MCUB: variants seen among roughly 807,000 people sequenced by gnomAD.
The protein encoded by MCUB is mitochondrial calcium uniporter dominant negative subunit beta, also known as calcium uniporter regulatory subunit MCUb, mitochondrial.
Under a neutral mutation model 41.4 loss-of-function variants are expected in MCUB, and 46 were observed. That is an observed-to-expected ratio of 1.11 (90% CI 0.88 to 1.42). The LOEUF is 1.42. Ranked by LOEUF, MCUB falls within the 40% of genes most tolerant of loss-of-function variation. The pLI is 0.00. For missense variants in MCUB, 403 were observed against 404.9 expected (o/e 1.00, Z 0.04); for synonymous variants, 148 against 148.2 (o/e 1.00, Z 0.01).
chr4:109,664,942 G>GT (rs1729311666), intron 4 of MCUB, among the ~76,000 whole-genome samples: 1 of 72,334 alleles, frequency 1.4e-5, no homozygotes, highest in Non-Finnish European at 2.7e-5. Flanking sequence ...CTTAACTCTT[G>GT]TAAAAAAAAA....
chr4:109,577,331 C>G (rs968523901), intron 1 of MCUB, among the ~76,000 whole-genome samples: 2 of 152,182 alleles, frequency 1.3e-5, no homozygotes, highest in Admixed American at 6.5e-5. Context: ...CTTTTGAAGT[C>G]AGCACTCCTT....
chr4:109,671,930 G>T (rs1244763971), intron 4 of MCUB, among the ~76,000 whole-genome samples: 1 of 152,122 alleles, frequency 6.6e-6, no homozygotes, highest in Non-Finnish European at 1.5e-5. Context: ...CTTTCCTCTA[G>T]TGTCCTTATT....
chr4:109,562,713 T>C (rs546023170), intron 1 of MCUB, among the ~76,000 whole-genome samples: 2 of 152,366 alleles, frequency 1.3e-5, no homozygotes, highest in African/African-American at 4.8e-5. Context: ...GGACTTGTCG[T>C]AAGCAGTATT....
chr4:109,637,621 G>C (rs1363225612), intron 1 of MCUB, among the ~76,000 whole-genome samples: 1 of 152,200 alleles, frequency 6.6e-6, no homozygotes, highest in Non-Finnish European at 1.5e-5. Context: ...TGGAATTGTA[G>C]ACTAATACTC....
At chr4:109,575,411 A>G (rs562105961) in intron 1 of MCUB, among the ~76,000 whole-genome samples, 130 of 152,344 alleles carry the variant, frequency 8.5e-4, no homozygotes, top group African/African-American at 3.0e-3. Flanking sequence ...CCTGAAACCA[A>G]CTCAAGTGTA....
intron 7 of MCUB, among the ~76,000 whole-genome samples, chr4:109,686,231 G>A (rs1462412074): frequency 6.6e-6 from 1 of 152,130 alleles, no homozygotes; most frequent in African/African-American, 2.4e-5. Flanking sequence ...TCCGCCTCCT[G>A]GGTTCAAGTG....
At chr4:109,640,056 C>G (rs141670661) in intron 1 of MCUB, among the ~76,000 whole-genome samples, 42 of 152,202 alleles carry the variant, frequency 2.8e-4, no homozygotes, top group Non-Finnish European at 5.7e-4. Context: ...ATCGTTAGTT[C>G]TTATAGGTTT....
intron 7 of MCUB, among the ~76,000 whole-genome samples, chr4:109,686,980 T>A (rs1168735995): frequency 1.3e-5 from 2 of 152,062 alleles, no homozygotes; most frequent in African/African-American, 2.4e-5. Context: ...TTTTTAAGAA[T>A]ATTAAGTGGA....
At chr4:109,561,379 T>C (rs548364079) in intron 1 of MCUB, among the ~76,000 whole-genome samples, 5 of 152,144 alleles carry the variant, frequency 3.3e-5, no homozygotes, top group African/African-American at 1.2e-4. Flanking sequence ...TTTTTTTCCT[T>C]CCCCCCCTTT....
rs117423158 is a variant in MCUB, at chr4:109,683,777, G to T, written c.613-666G>T. ...AGAATGAATCTGTAATGGGTTTTGT[G>T]TATGCAGGTATATATTCAGAATGAA... On this transcript the variant is annotated intron_variant, in intron 5 of 7. Coordinates refer to ENST00000394650, the MANE Select transcript of MCUB (RefSeq NM_017918.5). Among the ~76,000 whole-genome samples, 562 of 152,278 alleles carry T rather than the reference G, an allele frequency of 3.7e-3. 17 individuals carry two copies. In the South Asian group the frequency reaches 0.058, roughly 16 times the overall value.
intron 1 of MCUB, among the ~76,000 whole-genome samples, chr4:109,600,007 A>G (rs1017141024): frequency 5.9e-5 from 9 of 152,234 alleles, no homozygotes; most frequent in Non-Finnish European, 1.3e-4. Flanking sequence ...TGTTGTACGC[A>G]AGATAGTGCT....
intron 1 of MCUB, among the ~76,000 whole-genome samples, chr4:109,592,857 GC>G (rs1174111261): frequency 1.3e-5 from 2 of 152,094 alleles, no homozygotes; most frequent in Non-Finnish European, 2.9e-5. Flanking sequence ...GTTCTCTCAT[GC>G]TTTCTCTTAG....
At chr4:109,619,079 T>C (rs11937118) in intron 1 of MCUB, among the ~76,000 whole-genome samples, 1 of 140,860 alleles carries the variant, frequency 7.1e-6, no homozygotes, top group Non-Finnish European at 1.6e-5. Context: ...TACCTACCTA[T>C]TTATTGAGAT....
At chr4:109,615,039 C>T (rs552225624) in intron 1 of MCUB, among the ~76,000 whole-genome samples, 11 of 152,214 alleles carry the variant, frequency 7.2e-5, no homozygotes, top group African/African-American at 2.6e-4. Flanking sequence ...AGGCTAGAAG[C>T]ATGATAATTG....
intron 7 of MCUB, 93 bp downstream of exon 7, chr4:109,685,460 A>C: frequency 1.7e-6 from 1 of 603,138 alleles, no homozygotes; most frequent in South Asian, 2.4e-5. Flanking sequence ...CACAAATTAA[A>C]TCTTGGTCCT....
intron 1 of MCUB, among the ~76,000 whole-genome samples, chr4:109,644,640 A>T (rs1305713783): frequency 6.6e-6 from 1 of 152,230 alleles, no homozygotes; most frequent in African/African-American, 2.4e-5. Flanking sequence ...GCATGCCAAA[A>T]GGAGAAAATA....
intron 1 of MCUB, among the ~76,000 whole-genome samples, chr4:109,565,453 T>C (rs1390701367): frequency 1.3e-5 from 2 of 152,216 alleles, no homozygotes; most frequent in Non-Finnish European, 2.9e-5. Flanking sequence ...TCAACCTCTT[T>C]TTTCAAAGGT....
chr4:109,621,672 C>T (rs1056761199), intron 1 of MCUB, among the ~76,000 whole-genome samples: 1 of 152,122 alleles, frequency 6.6e-6, no homozygotes, highest in African/African-American at 2.4e-5. Flanking sequence ...AGCTTCTACA[C>T]TGTAATAAAA....
intron 1 of MCUB, among the ~76,000 whole-genome samples, chr4:109,570,021 A>G (rs1726877061): frequency 6.6e-6 from 1 of 152,198 alleles, no homozygotes; most frequent in African/African-American, 2.4e-5. Context: ...ATTTTGTCTC[A>G]TGCTCTCTTG....
Sources: allele counts gnomAD v4.1 joint callset (sites outside exome capture counted in the v4.1 genomes callset), GRCh38; gene constraint gnomAD v4.1.1; transcripts MANE v1.5; gene names NCBI Gene and HGNC (gene_info 2026-07-23, HGNC 2026-07-21).